Variants in PAX3 observed in about 807,000 individuals in gnomAD.
PAX3 encodes the protein paired box 3, also known as paired box protein Pax-3.
Under a neutral mutation model 51.6 loss-of-function variants are expected in PAX3, and 14 were observed. That is an observed-to-expected ratio of 0.27 (90% CI 0.18 to 0.42). PAX3 has a LOEUF of 0.42. PAX3 is among the 10% of genes least tolerant of loss of function. The pLI is 1.00. For missense variants in PAX3, 540 were observed against 642.8 expected (o/e 0.84, Z 1.73); for synonymous variants, 280 against 253.4 (o/e 1.11, Z -1.00).
intron 4 of PAX3, among the ~76,000 whole-genome samples, chr2:222,241,221 A>C (rs1224992837): frequency 6.6e-6 from 1 of 152,180 alleles, no homozygotes; most frequent in Non-Finnish European, 1.5e-5. Flanking sequence ...TGAAAGGAAA[A>C]GGGCCAAGTG....
rs139565845 is a variant in PAX3, at chr2:222,275,547, C to T, written c.586+18620G>A. On this transcript the variant is annotated intron_variant, in intron 4 of 8. Coordinates refer to ENST00000392070, the MANE Select transcript of PAX3 (RefSeq NM_181458.4). The stretch of plus-strand genomic sequence containing the variant: ...ATTTGAATGAATCATTGTCTACCTT[C>T]AGAATATATAGCTGAAAAGTCAATA... Among the ~76,000 whole-genome samples the T allele has an allele frequency of 2.2e-3, 337 of 152,126 alleles. 1 individual carries two copies. Among genetic ancestry groups the T allele is most frequent in the African/African-American group, 7.1e-3 (295 of 41,496 alleles).
At chr2:222,213,971 G>A (rs1691853006) in intron 7 of PAX3, among the ~76,000 whole-genome samples, 1 of 152,102 alleles carries the variant, frequency 6.6e-6, no homozygotes, top group Admixed American at 6.6e-5. Flanking sequence ...GAAAGGCAAG[G>A]AATTACCAAG....
intron 4 of PAX3, among the ~76,000 whole-genome samples, chr2:222,288,008 G>T (rs1694894299): frequency 6.6e-6 from 1 of 152,172 alleles, no homozygotes; most frequent in Non-Finnish European, 1.5e-5. Context: ...TACAACCTCA[G>T]TTAGTGCTAT....
intron 4 of PAX3, among the ~76,000 whole-genome samples, chr2:222,235,736 T>C (rs1204867031): frequency 6.6e-6 from 1 of 151,904 alleles, no homozygotes; most frequent in Non-Finnish European, 1.5e-5. Flanking sequence ...TGACTTTGAG[T>C]ATAAATATAG....
Position 222,226,942 on chromosome 2 carries a change from G to A in PAX3, c.792+5136C>T, listed in dbSNP as rs553494138. Among the ~76,000 whole-genome samples the A allele has an allele frequency of 2.7e-3, 411 of 151,882 alleles. 3 individuals carry two copies. The highest frequency in any genetic ancestry group is 9.1e-3 in the African/African-American group (378 of 41,472). ...TGTATATACACATACACAAGCAAAG[G>A]AGCAAAATTTTGTGTACAAATCTCA... is the stretch of plus-strand genomic sequence containing the variant. On this transcript the variant is annotated intron_variant, in intron 5 of 8. Transcript: ENST00000392070.
intron 4 of PAX3, among the ~76,000 whole-genome samples, chr2:222,275,168 G>T (rs1370946858): frequency 6.6e-6 from 1 of 152,086 alleles, no homozygotes; most frequent in Non-Finnish European, 1.5e-5. Context: ...AAGAAAAATA[G>T]AGACAAACTC....
At chr2:222,239,512 AAAC>A (rs757199843) in intron 4 of PAX3, among the ~76,000 whole-genome samples, 7 of 152,024 alleles carry the variant, frequency 4.6e-5, no homozygotes, top group Admixed American at 6.5e-5. Context: ...TGAGAAAAGA[AAAC>A]AGATATGCAG....
intron 7 of PAX3, among the ~76,000 whole-genome samples, chr2:222,210,215 C>T (rs1040153362): frequency 3.3e-5 from 5 of 152,150 alleles, no homozygotes; most frequent in African/African-American, 1.2e-4. Context: ...CCTGCAGATC[C>T]TAGCAAAATA....
chr2:222,225,493 A>C lies in PAX3; in HGVS notation c.793-4106T>G, dbSNP rs187774891. 2.7e-3 allele frequency among the ~76,000 whole-genome samples: 412 copies of C among 152,300 alleles called. 1 individual carries two copies. The highest frequency in any genetic ancestry group is 9.7e-3 in the African/African-American group (404 of 41,582). On this transcript the variant is annotated intron_variant, in intron 5 of 8. Coordinates refer to ENST00000392070, the MANE Select transcript of PAX3 (RefSeq NM_181458.4). ...CCAGTTTGTTCAGACTCTCAACATT[A>C]CAAGTTGGCGGGTGGCGGGGAAACT...
Position 222,242,407 on chromosome 2 carries a change from G to C in PAX3, c.587-10124C>G, listed in dbSNP as rs141345353. On this transcript the variant is annotated intron_variant, in intron 4 of 8. Transcript: ENST00000392070. ...TAACAGCTTCCTCCGCCCAATCCCTGTTCCCTGCGAAGTCCTTGCTGTGCA... is the reference window on the plus strand; with the variant it reads ...TAACAGCTTCCTCCGCCCAATCCCTCTTCCCTGCGAAGTCCTTGCTGTGCA... 137 of 152,208 alleles carry C rather than the reference G, an allele frequency of 9.0e-4. 1 individual carries two copies. Among genetic ancestry groups the C allele is most frequent in the African/African-American group, 3.2e-3 (134 of 41,518 alleles). 9.4% of individuals were successfully genotyped at this position (152,208 alleles called of 1,614,324 possible).
At position 222,238,279 on chromosome 2, in the gene PAX3, G is replaced by A. The variant is rs190359014; in HGVS notation, c.587-5996C>T. On this transcript the variant is annotated intron_variant, in intron 4 of 8. Transcript: ENST00000392070. ...AGAATTAGAGAGTATGTCTTTGTCC[G>A]TTAGCCCCTTGTGACCTCCTCTGTA... is the stretch of plus-strand genomic sequence containing the variant. 6.8e-4 allele frequency among the ~76,000 whole-genome samples: 104 copies of A among 152,236 alleles called. 1 individual carries two copies. The highest frequency in any genetic ancestry group is 2.3e-3 in the African/African-American group (94 of 41,550).
rs1333551223 is a variant in PAX3, at chr2:222,293,630, A to T, written c.586+537T>A. ...TGAAAATCAACTTCAAACAAATCAAACCAGTCAACACACAGACATATTTAT... is the reference window on the plus strand; with the variant it reads ...TGAAAATCAACTTCAAACAAATCAATCCAGTCAACACACAGACATATTTAT... On this transcript the variant is annotated intron_variant, in intron 4 of 8. Transcript: ENST00000392070. 4 of 1,613,416 alleles carry T rather than the reference A, an allele frequency of 2.5e-6. No individual in the cohort carries two copies. In the East Asian group the frequency reaches 8.9e-5, roughly 36 times the overall value.
chr2:222,265,685 A>AG (rs1232139704), intron 4 of PAX3, among the ~76,000 whole-genome samples: 2 of 150,794 alleles, frequency 1.3e-5, no homozygotes, highest in East Asian at 2.0e-4. Context: ...GAAGGAAGGA[A>AG]GGAAGGGAGA....
In PAX3 at chr2:222,298,651, T is replaced by G; in HGVS notation, c.-36A>C. The G allele has an allele frequency of 6.4e-7, 1 of 1,566,798 alleles. No homozygotes were observed. Among genetic ancestry groups the G allele is most frequent in the Non-Finnish European group, 8.7e-7 (1 of 1,152,698 alleles). The stretch of plus-strand genomic sequence containing the variant: ...GCTTCGCTCGGAAATTATATCCAGG[T>G]GAAGGCGAAACGGAAAGGCGAGTGC... On this transcript the variant is annotated 5_prime_UTR_variant, in exon 1 of 9. Coordinates refer to ENST00000392070, the MANE Select transcript of PAX3 (RefSeq NM_181458.4).
chr2:222,268,105 T>C (rs1280490768), intron 4 of PAX3, among the ~76,000 whole-genome samples: 1 of 152,242 alleles, frequency 6.6e-6, no homozygotes, highest in African/African-American at 2.4e-5. Flanking sequence ...AAACCTGTTA[T>C]GCACAAATGC....
At chr2:222,215,946 C>T (rs1162573696) in intron 7 of PAX3, among the ~76,000 whole-genome samples, 1 of 152,152 alleles carries the variant, frequency 6.6e-6, no homozygotes, top group East Asian at 1.9e-4. Flanking sequence ...GCAGTTCAAA[C>T]AGCTATCCAG....
intron 5 of PAX3, among the ~76,000 whole-genome samples, chr2:222,227,430 T>C (rs1692426105): frequency 6.6e-6 from 1 of 152,054 alleles, no homozygotes; most frequent in Admixed American, 6.6e-5. Context: ...ACCGCATCTC[T>C]ACAATACAAA....
intron 4 of PAX3, chr2:222,242,437 C>A (rs186523259): frequency 6.6e-6 from 1 of 152,310 alleles, no homozygotes; most frequent in East Asian, 1.9e-4. Context: ...TGTGCATTTT[C>A]TTTCACCTTT....
intron 4 of PAX3, among the ~76,000 whole-genome samples, chr2:222,236,713 A>C (rs1343339679): frequency 6.6e-6 from 1 of 152,240 alleles, no homozygotes; most frequent in African/African-American, 2.4e-5. Flanking sequence ...TACAACAATT[A>C]GATTAAATAT....
Sources: gnomAD v4.1 joint callset for allele counts (sites outside exome capture counted in the v4.1 genomes callset) on GRCh38, gnomAD v4.1.1 for gene constraint, MANE v1.5 for transcripts, NCBI Gene and HGNC (gene_info 2026-07-23, HGNC 2026-07-21) for gene names.